Variants in RAPGEF1 observed in about 807,000 individuals in gnomAD.
RAPGEF1 encodes CRK SH3-binding GNRP.
Under a neutral mutation model 143.3 loss-of-function variants are expected in RAPGEF1, and 33 were observed. That is an observed-to-expected ratio of 0.23 (90% CI 0.17 to 0.31). The LOEUF (loss-of-function observed/expected upper bound fraction) is 0.31. Among genes scored for constraint, RAPGEF1 ranks in the 10% least tolerant of loss-of-function variants. The pLI is 1.00. For synonymous variants in RAPGEF1, 629 were observed against 676.5 expected, an observed-to-expected ratio of 0.93 and a Z score of 1.09; for missense variants, 1,199 against 1,645.4, an observed-to-expected ratio of 0.73 and a Z score of 4.69.
intron 17 of RAPGEF1, among the ~76,000 whole-genome samples, chr9:131,595,700 C>G (rs1476577774): frequency 6.6e-6 from 1 of 152,226 alleles, no homozygotes; most frequent in African/African-American, 2.4e-5. Flanking sequence ...AATGACTTTG[C>G]TAGCAGAGTC....
intron 1 of RAPGEF1, among the ~76,000 whole-genome samples, chr9:131,713,927 T>A (rs1311984973): frequency 1.3e-5 from 2 of 152,168 alleles, no homozygotes; most frequent in African/African-American, 2.4e-5. Context: ...AAAAAATTAT[T>A]TACCCTCACT....
intron 12 of RAPGEF1, among the ~76,000 whole-genome samples, chr9:131,609,051 A>G (rs1957580408): frequency 6.6e-6 from 1 of 152,178 alleles, no homozygotes; most frequent in Non-Finnish European, 1.5e-5. Flanking sequence ...TGAGGATTTT[A>G]GAACGGGAAG....
At chr9:131,587,554 C>G (rs1360156874) in intron 22 of RAPGEF1, among the ~76,000 whole-genome samples, 182 bp downstream of exon 22, 1 of 152,174 alleles carries the variant, frequency 6.6e-6, no homozygotes, top group Non-Finnish European at 1.5e-5. Flanking sequence ...TCCAGCAAGC[C>G]CCATCCTGTC....
intron 1 of RAPGEF1, among the ~76,000 whole-genome samples, chr9:131,731,500 T>G (rs1837071662): frequency 6.6e-6 from 1 of 152,224 alleles, no homozygotes. Flanking sequence ...ACGGTCACAT[T>G]CCACTGGATG....
chr9:131,632,616 T>C lies in RAPGEF1; in HGVS notation c.652-2292A>G, dbSNP rs189982949. Among the ~76,000 whole-genome samples, 359 of 152,306 alleles carry C rather than the reference T, an allele frequency of 2.4e-3. 2 individuals are homozygous for C. Among genetic ancestry groups the C allele is most frequent in the Non-Finnish European group, 3.7e-3 (249 of 68,032 alleles). ...TATGTATCAATTACATAAGTCATGATAGAACCAGACAATGGGCTGACCATT... is the reference window on the plus strand; with the variant it reads ...TATGTATCAATTACATAAGTCATGACAGAACCAGACAATGGGCTGACCATT... On this transcript the variant is annotated intron_variant, in intron 5 of 26. Coordinates refer to ENST00000683357, the MANE Select transcript of RAPGEF1 (RefSeq NM_001377935.1).
At position 131,648,618 on chromosome 9, in the gene RAPGEF1, A is replaced by G. The variant is rs540823086; in HGVS notation, c.315+1511T>C. 7.9e-5 allele frequency among the ~76,000 whole-genome samples: 12 copies of G among 152,340 alleles called. 1 individual carries two copies. The highest frequency in any genetic ancestry group is 2.4e-4 in the African/African-American group (10 of 41,576). Reference sequence around the variant, plus strand: ...GAGGTTACTAAACAGATTGCAATAAAAAATAACTGTGGCACAGACCAAATC... The same window carrying G: ...GAGGTTACTAAACAGATTGCAATAAGAAATAACTGTGGCACAGACCAAATC... On this transcript the variant is annotated intron_variant, in intron 3 of 26. Transcript: ENST00000683357.
intron 10 of RAPGEF1, among the ~76,000 whole-genome samples, chr9:131,624,797 G>A (rs1170882800): frequency 6.6e-6 from 1 of 152,224 alleles, no homozygotes; most frequent in East Asian, 1.9e-4. Context: ...AAATATACAC[G>A]ACAGATGGGG....
intron 10 of RAPGEF1, among the ~76,000 whole-genome samples, 185 bp downstream of exon 10, chr9:131,625,737 G>A (rs2026006): frequency 0.096 from 14,619 of 152,212 alleles, 1,063 homozygotes; most frequent in African/African-American, 0.19. Flanking sequence ...CAGCTGATGA[G>A]GCTTTAAAAA....
At chr9:131,734,221 G>A (rs899200055) in intron 1 of RAPGEF1, among the ~76,000 whole-genome samples, 3 of 152,134 alleles carry the variant, frequency 2.0e-5, no homozygotes, top group Non-Finnish European at 4.4e-5. Context: ...AAAGGGGGCC[G>A]GTTCCCCATT....
chr9:131,647,245 G>A (rs571991060), intron 3 of RAPGEF1, among the ~76,000 whole-genome samples: 44 of 152,338 alleles, frequency 2.9e-4, no homozygotes, highest in African/African-American at 1.0e-3. Context: ...AGTCTGGGAA[G>A]ACAACAGAAT....
At chr9:131,652,389 A>G (rs1971291249) in intron 1 of RAPGEF1, among the ~76,000 whole-genome samples, 1 of 152,162 alleles carries the variant, frequency 6.6e-6, no homozygotes, top group East Asian at 1.9e-4. Flanking sequence ...GGCTAGGACT[A>G]TAGGCAAGTG....
chr9:131,688,373 G>T (rs1833520203), intron 1 of RAPGEF1, among the ~76,000 whole-genome samples: 1 of 152,220 alleles, frequency 6.6e-6, no homozygotes, highest in East Asian at 1.9e-4. Flanking sequence ...CAAATAAACA[G>T]CAACAAGTGT....
At chr9:131,645,285 T>C (rs1037866534) in intron 3 of RAPGEF1, among the ~76,000 whole-genome samples, 10 of 152,186 alleles carry the variant, frequency 6.6e-5, no homozygotes, top group African/African-American at 1.9e-4. Flanking sequence ...CACTGCCACC[T>C]TAGCACATCA....
intron 1 of RAPGEF1, among the ~76,000 whole-genome samples, chr9:131,733,814 G>C (rs1275922491): frequency 6.6e-6 from 1 of 152,088 alleles, no homozygotes; most frequent in African/African-American, 2.4e-5. Context: ...TCTCCAATCC[G>C]GGCTACTTTG....
chr9:131,622,045 T>A, intron 10 of RAPGEF1, 47 bp from the exon 11 acceptor site: 1 of 1,548,176 alleles, frequency 6.5e-7, no homozygotes, highest in Non-Finnish European at 8.8e-7. Flanking sequence ...GGAGGCCACA[T>A]CAGGGAACCC....
chr9:131,678,666 C>T (rs1367628363), intron 1 of RAPGEF1, among the ~76,000 whole-genome samples: 1 of 152,172 alleles, frequency 6.6e-6, no homozygotes, highest in African/African-American at 2.4e-5. Flanking sequence ...CAGCTCAGAG[C>T]GGTTAAGTGC....
At chr9:131,676,601 A>G (rs762369771) in intron 1 of RAPGEF1, among the ~76,000 whole-genome samples, 3 of 152,228 alleles carry the variant, frequency 2.0e-5, no homozygotes, top group Non-Finnish European at 4.4e-5. Context: ...CAAGGTTGTC[A>G]GGCTGGGACG....
intron 1 of RAPGEF1, among the ~76,000 whole-genome samples, chr9:131,696,372 C>T (rs1834181311): frequency 6.6e-6 from 1 of 152,168 alleles, no homozygotes; most frequent in Non-Finnish European, 1.5e-5. Context: ...TCTTAAAGGG[C>T]TTTCCTTAAA....
rs1588966531 is a variant in RAPGEF1, at chr9:131,675,639, T to A, written c.62-24690A>T. ...AATCCAAAGTAAGCACACACCATTA[T>A]CCTGCCCCTGTACCAGGAAAGCCCC... On this transcript the variant is annotated intron_variant, in intron 1 of 26. Transcript: ENST00000683357. The surrounding 1 kb of genome is among the most constrained non-coding windows in gnomAD (Gnocchi z 4.6). Among the ~76,000 whole-genome samples, 1 of 152,322 alleles carries A rather than the reference T, an allele frequency of 6.6e-6. No individual in the cohort carries two copies. Among genetic ancestry groups the A allele is most frequent in the East Asian group, 1.9e-4 (1 of 5,180 alleles).
Sources: allele counts gnomAD v4.1 joint callset (sites outside exome capture counted in the v4.1 genomes callset), GRCh38; gene constraint gnomAD v4.1.1; non-coding constraint Gnocchi (gnomAD v3.1); transcripts MANE v1.5; gene names NCBI Gene and HGNC (gene_info 2026-07-23, HGNC 2026-07-21).